Variants in ARSB observed in about 807,000 individuals in gnomAD.
ARSB encodes arylsulfatase B, also known as N-acetylgalactosamine-4-sulfatase.
ARSB carries 41 observed loss-of-function variants against 50.9 expected under a neutral mutation model. The observed-to-expected ratio is 0.81, with a 90% CI of 0.63 to 1.04. The LOEUF is 1.04. Ranked by LOEUF, ARSB falls within the 50% of genes least tolerant of loss-of-function variation. The probability of loss-of-function intolerance (pLI) is 0.00; values close to 1 mark genes in which losing one functional copy is unlikely to be tolerated. For synonymous variants in ARSB, 269 were observed against 284.8 expected, an observed-to-expected ratio of 0.94 and a Z score of 0.56; for missense variants, 672 against 693.3, an observed-to-expected ratio of 0.97 and a Z score of 0.35.
intron 1 of ARSB, among the ~76,000 whole-genome samples, chr5:78,981,686 C>G (rs374378550): frequency 2.0e-5 from 3 of 152,200 alleles, no homozygotes; most frequent in African/African-American, 7.2e-5. Flanking sequence ...ACAGTCTGAC[C>G]AGCCAAGACC....
intron 5 of ARSB, among the ~76,000 whole-genome samples, chr5:78,864,551 T>C (rs547212944): frequency 1.3e-5 from 2 of 152,220 alleles, no homozygotes; most frequent in South Asian, 2.1e-4. Flanking sequence ...AGCCAAACCA[T>C]ATCATTCCAC....
chr5:78,866,170 T>C (rs1746717662), intron 5 of ARSB, among the ~76,000 whole-genome samples: 1 of 152,238 alleles, frequency 6.6e-6, no homozygotes, highest in Non-Finnish European at 1.5e-5. Context: ...CTGGGTAATT[T>C]ACCAAAGAAA....
intron 4 of ARSB, among the ~76,000 whole-genome samples, chr5:78,893,191 T>G (rs950672447): frequency 2.0e-5 from 3 of 152,214 alleles, no homozygotes; most frequent in Non-Finnish European, 4.4e-5. Flanking sequence ...GATGTGCCTT[T>G]GTTCTTCCCT....
At chr5:78,840,687 C>T (rs1321465326) in intron 5 of ARSB, among the ~76,000 whole-genome samples, 1 of 151,762 alleles carries the variant, frequency 6.6e-6, no homozygotes, top group Non-Finnish European at 1.5e-5. Context: ...CATTGTCCCC[C>T]TCTACTCCAT....
At chr5:78,890,184 C>A (rs1432349450) in intron 4 of ARSB, among the ~76,000 whole-genome samples, 1 of 151,468 alleles carries the variant, frequency 6.6e-6, no homozygotes, top group Non-Finnish European at 1.5e-5. Flanking sequence ...TCTTCTCCTG[C>A]TAAAAGATTT....
At chr5:78,860,227 A>G (rs1746365740) in intron 5 of ARSB, among the ~76,000 whole-genome samples, 1 of 152,126 alleles carries the variant, frequency 6.6e-6, no homozygotes, top group Non-Finnish European at 1.5e-5. Context: ...GTGGGGTGTT[A>G]AAGTCTCCCA....
At chr5:78,961,952 T>G (rs1054925258) in intron 3 of ARSB, among the ~76,000 whole-genome samples, 3 of 152,070 alleles carry the variant, frequency 2.0e-5, no homozygotes, top group Admixed American at 1.3e-4. Flanking sequence ...GCATCAGTAT[T>G]TCTTATAAGT....
intron 5 of ARSB, among the ~76,000 whole-genome samples, chr5:78,862,352 T>C (rs56227702): frequency 0.26 from 39,906 of 152,096 alleles, 7,017 homozygotes; most frequent in African/African-American, 0.5. Context: ...TCACGCTACC[T>C]GACTTCAAAC....
intron 5 of ARSB, among the ~76,000 whole-genome samples, chr5:78,850,769 C>T (rs1745730088): frequency 6.6e-6 from 1 of 152,140 alleles, no homozygotes; most frequent in African/African-American, 2.4e-5. Context: ...GATTCAACTT[C>T]TTCCTGGTTT....
chr5:78,815,471 C>G, intron 6 of ARSB: 1 of 919,946 alleles, frequency 1.1e-6, no homozygotes, highest in South Asian at 4.9e-5. Flanking sequence ...TGTGACTTGG[C>G]AAATGGAGGA....
intron 6 of ARSB, among the ~76,000 whole-genome samples, chr5:78,837,124 G>A (rs908900358): frequency 2.6e-4 from 40 of 152,172 alleles, no homozygotes; most frequent in Non-Finnish European, 7.3e-5. Context: ...TATCACATAG[G>A]AGTATAGTTC....
intron 6 of ARSB, chr5:78,816,998 A>C (rs1336027571): frequency 5.0e-6 from 4 of 797,074 alleles, no homozygotes; most frequent in Admixed American, 6.2e-5. Flanking sequence ...GTGAGGTAGT[A>C]AACAGGTGTT....
Position 78,984,948 on chromosome 5 carries a change from C to T in ARSB, c.301G>A (p.Gly101Ser), listed in dbSNP as rs1753094527. 1 of 1,442,970 alleles carries T rather than the reference C, an allele frequency of 6.9e-7. No individual in the cohort carries two copies. Among genetic ancestry groups the T allele is most frequent in the Non-Finnish European group, 9.1e-7 (1 of 1,094,994 alleles). The allele number at this position is 1,442,970 out of a possible 1,614,324, so 89.4% of individuals were successfully genotyped here. A position where few individuals can be genotyped will look rare whatever the true frequency, so the allele number is the denominator to read the frequency against. ...CTPSRSQLLT[G>S]RYQIRTGLQH... ...GGGGCGCCGCGTACCTGGTAGCGGC[C>T]AGTGAGCAGCTGGCTCCGCGACGGC... Residue 101 changes from glycine to serine, a missense_variant, in exon 1 of 8, where the codon GGC (glycine) becomes AGC (serine). Physicochemically the swap from Gly to Ser is moderately conservative, Grantham distance 56. Transcript: ENST00000264914.
intron 6 of ARSB, among the ~76,000 whole-genome samples, chr5:78,794,076 C>A (rs1380427195): frequency 6.6e-6 from 1 of 152,108 alleles, no homozygotes; most frequent in Non-Finnish European, 1.5e-5. Flanking sequence ...TTAACTTGAG[C>A]ATAAACATTT....
chr5:78,827,017 C>T (rs1253838581), intron 6 of ARSB, among the ~76,000 whole-genome samples: 1 of 152,070 alleles, frequency 6.6e-6, no homozygotes, highest in East Asian at 1.9e-4. Flanking sequence ...AGGGGCACAG[C>T]CAGCTGCATA....
chr5:78,781,517 C>T (rs564668161), intron 7 of ARSB, among the ~76,000 whole-genome samples: 3 of 152,016 alleles, frequency 2.0e-5, no homozygotes, highest in South Asian at 2.1e-4. Context: ...TGGGAACAGG[C>T]GGAGTCTTAG....
chr5:78,816,113 G>T, intron 6 of ARSB: 3 of 1,614,138 alleles, frequency 1.9e-6, no homozygotes, highest in Non-Finnish European at 2.5e-6. Context: ...ACTCAGGCCA[G>T]TCTGTAAAAC....
chr5:78,957,177 A>C (rs1260838065), intron 3 of ARSB, among the ~76,000 whole-genome samples: 1 of 146,976 alleles, frequency 6.8e-6, no homozygotes. Context: ...AAAGCCTCAA[A>C]GAGACAACAA....
chr5:78,865,501 G>A (rs1250962014), intron 5 of ARSB, among the ~76,000 whole-genome samples: 2 of 152,144 alleles, frequency 1.3e-5, no homozygotes, highest in African/African-American at 4.8e-5. Context: ...AGGAGGGGCT[G>A]CCATGAAGAC....
Sources: gnomAD v4.1 joint callset for allele counts (sites outside exome capture counted in the v4.1 genomes callset) on GRCh38, gnomAD v4.1.1 for gene constraint, MANE v1.5 for transcripts, NCBI Gene and HGNC (gene_info 2026-07-23, HGNC 2026-07-21) for gene names.